The following NCS1 variants were observed in gnomAD, a reference collection of about 807,000 sequenced individuals.
NCS1 encodes the protein neuronal calcium sensor 1, also known as frequenin homolog.
NCS1 carries 6 observed loss-of-function variants against 28.4 expected under a neutral mutation model. That is an observed-to-expected ratio of 0.21 (90% CI 0.12 to 0.42). The LOEUF (loss-of-function observed/expected upper bound fraction) is 0.42, where lower values mean the gene tolerates loss of function less well. Among genes scored for constraint, NCS1 ranks in the 10% least tolerant of loss-of-function variants. NCS1 has a pLI of 1.00. For missense variants in NCS1, 131 were observed against 241.4 expected (o/e 0.54, Z 3.03); for synonymous variants, 86 against 99.3 (o/e 0.87, Z 0.79).
chr9:130,188,873 T>C (rs1346642934), intron 1 of NCS1, among the ~76,000 whole-genome samples: 1 of 152,078 alleles, frequency 6.6e-6, no homozygotes, highest in Non-Finnish European at 1.5e-5. Context: ...CCTGCCACCA[T>C]GCCTAGCTTA....
chr9:130,196,026 C>T (rs1342043), intron 1 of NCS1, among the ~76,000 whole-genome samples: 110,024 of 151,980 alleles, frequency 0.72, 43,112 homozygotes, highest in East Asian at 0.95. Flanking sequence ...GAAAATGGGC[C>T]GGGCTGGGAA....
chr9:130,200,176 G>A (rs1419733327), intron 1 of NCS1, among the ~76,000 whole-genome samples: 2 of 152,182 alleles, frequency 1.3e-5, no homozygotes, highest in Non-Finnish European at 2.9e-5. Context: ...GAGCCGTCCC[G>A]CGCTCACACA....
rs1335485266 is a variant in NCS1, at chr9:130,185,794, G to C, written c.64+13067G>C. Among the ~76,000 whole-genome samples, 3 of 152,388 alleles carry C rather than the reference G, an allele frequency of 2.0e-5. No individual in the cohort carries two copies. The East Asian group carries it at 5.8e-4, about 29-fold the overall frequency. On this transcript the variant is annotated intron_variant, in intron 1 of 7. Coordinates refer to ENST00000372398, the MANE Select transcript of NCS1 (RefSeq NM_014286.4). ...TGGCCGGGTTCTTGCCCCTCGGCCA[G>C]TGGCCCCACCACCCCCTGCGCGCCC...
At position 130,172,504 on chromosome 9, in the gene NCS1, C is replaced by T. The variant is rs1252057466; in HGVS notation, c.-160C>T. 1.2e-5 allele frequency: 2 copies of T among 164,444 alleles called. No individual in the cohort carries two copies. Among genetic ancestry groups the T allele is most frequent in the Non-Finnish European group, 2.4e-5 (2 of 83,378 alleles). The allele number at this position is 164,444 out of a possible 1,614,324, so 10.2% of individuals were successfully genotyped here. The stretch of plus-strand genomic sequence containing the variant: ...GGACCGCCCGGGCCTGCCCAGCGGC[C>T]GCCCCACGCCCCGGGCGCCCCGGCG... On this transcript the variant is annotated 5_prime_UTR_variant, in exon 1 of 8. Transcript: ENST00000372398.
At chr9:130,203,137 T>TATATATATATATATA (rs1491343446) in intron 2 of NCS1, among the ~76,000 whole-genome samples, 1 of 32,550 alleles carries the variant, frequency 3.1e-5, no homozygotes, top group African/African-American at 1.0e-4. Flanking sequence ...TATATATATA[T>TATATATATATATATA]TTTTTTTTTT....
At chr9:130,178,803 A>AT (rs1832611838) in intron 1 of NCS1, among the ~76,000 whole-genome samples, 1 of 133,052 alleles carries the variant, frequency 7.5e-6, no homozygotes, top group African/African-American at 2.8e-5. Context: ...TTCCAGATAT[A>AT]TTTAGGAGGA....
chr9:130,176,198 T>TTTCTTTCTTTCTTTCTTTCTTTC (rs1588106005), intron 1 of NCS1, among the ~76,000 whole-genome samples: 5 of 57,248 alleles, frequency 8.7e-5, no homozygotes, highest in East Asian at 4.6e-4. Flanking sequence ...TTCTTTCTTT[T>TTTCTTTCTTTCTTTCTTTCTTTC]TTTTTTTTTT....
chr9:130,189,911 C>G (rs1388655070), intron 1 of NCS1, among the ~76,000 whole-genome samples: 1 of 118,614 alleles, frequency 8.4e-6, no homozygotes, highest in African/African-American at 3.7e-5. Context: ...TATATATATT[C>G]CCAAGGTCTC....
At chr9:130,193,041 G>A (rs1396696908) in intron 1 of NCS1, among the ~76,000 whole-genome samples, 1 of 152,234 alleles carries the variant, frequency 6.6e-6, no homozygotes, top group Non-Finnish European at 1.5e-5. Context: ...CACCGTCTTC[G>A]CTTTGAGGAA....
chr9:130,195,545 T>C (rs1832866376), intron 1 of NCS1, among the ~76,000 whole-genome samples: 1 of 152,008 alleles, frequency 6.6e-6, no homozygotes, highest in South Asian at 2.1e-4. Context: ...TGCTTCAGCC[T>C]CCGTGGTAGC....
rs1468014438 is a variant in NCS1 at position 130,191,690 on chromosome 9, C to T, written c.65-9268C>T. On this transcript the variant is annotated intron_variant, in intron 1 of 7. Coordinates refer to ENST00000372398, the MANE Select transcript of NCS1 (RefSeq NM_014286.4). The surrounding 1 kb of genome is among the most constrained non-coding windows in gnomAD (Gnocchi z 6.4). ...AATGAGGGTTCAGGCTGGTGCCGGG[C>T]AGACCGCAGTCAGCACCCGATGGCG... is the stretch of plus-strand genomic sequence containing the variant. 2.0e-5 allele frequency among the ~76,000 whole-genome samples: 3 copies of T among 152,254 alleles called. No individual in the cohort carries two copies. The highest frequency in any genetic ancestry group is 7.2e-5 in the African/African-American group (3 of 41,468).
intron 1 of NCS1, among the ~76,000 whole-genome samples, chr9:130,179,819 A>G (rs1363958867): frequency 6.6e-6 from 1 of 152,206 alleles, no homozygotes; most frequent in Non-Finnish European, 1.5e-5. Flanking sequence ...GGGGCCAAGT[A>G]GTTCAATGCC....
At chr9:130,172,815 C>A in intron 1 of NCS1, 88 bp downstream of exon 1, 4 of 666,738 alleles carry the variant, frequency 6.0e-6, no homozygotes, top group Non-Finnish European at 8.5e-6. Flanking sequence ...GCGCGCTACC[C>A]GCTCCGCGCT....
At position 130,181,489 on chromosome 9, in the gene NCS1, T is replaced by G. The variant is rs1166457114; in HGVS notation, c.64+8762T>G. ...GTGTTCACGTGTGTTCCTCACCAAT[T>G]CCACCCAGGAGCCCTGTGGGGGTCC... is the stretch of plus-strand genomic sequence containing the variant. On this transcript the variant is annotated intron_variant, in intron 1 of 7. Transcript: ENST00000372398. This position sits in a 1 kb window ranked among gnomAD's most constrained non-coding sequence, Gnocchi z 5.0. Among the ~76,000 whole-genome samples, 3 of 143,864 alleles carry G rather than the reference T, an allele frequency of 2.1e-5. No homozygotes were observed. The highest frequency in any genetic ancestry group is 1.4e-4 in the Admixed American group (2 of 14,034). 94.4% of individuals were successfully genotyped at this position (143,864 alleles called of 152,430 possible). A position where few individuals can be genotyped will look rare whatever the true frequency, so the allele number is the denominator to read the frequency against.
chr9:130,223,429 C>A (rs35841386), intron 6 of NCS1, among the ~76,000 whole-genome samples: 1 of 151,832 alleles, frequency 6.6e-6, no homozygotes, highest in South Asian at 2.1e-4. Context: ...TCTGGAGAAG[C>A]CTACAGACTT....
At chr9:130,227,307 A>G (rs1191321980) in intron 7 of NCS1, among the ~76,000 whole-genome samples, 4 of 152,002 alleles carry the variant, frequency 2.6e-5, no homozygotes, top group Non-Finnish European at 4.4e-5. Context: ...GGAGTGTTCA[A>G]TGTAGTCTGC....
chr9:130,172,929 C>G (rs1443631541), intron 1 of NCS1, among the ~76,000 whole-genome samples: 2 of 151,862 alleles, frequency 1.3e-5, no homozygotes, highest in Non-Finnish European at 1.5e-5. Context: ...TCTGGCACCC[C>G]CAGCCCGGGG....
intron 1 of NCS1, among the ~76,000 whole-genome samples, chr9:130,174,027 T>C (rs1242161199): frequency 3.3e-5 from 5 of 152,210 alleles, no homozygotes; most frequent in Non-Finnish European, 7.3e-5. Context: ...AGCTGCTACC[T>C]GGAAGGGGTG....
At chr9:130,187,383 C>T (rs1045541557) in intron 1 of NCS1, among the ~76,000 whole-genome samples, 5 of 152,070 alleles carry the variant, frequency 3.3e-5, no homozygotes, top group Admixed American at 2.0e-4. Flanking sequence ...AGGTCAGGGC[C>T]GAGCCTCCAC....
Sources: allele counts gnomAD v4.1 joint callset (sites outside exome capture counted in the v4.1 genomes callset), GRCh38; gene constraint gnomAD v4.1.1; non-coding constraint Gnocchi (gnomAD v3.1); transcripts MANE v1.5; gene names NCBI Gene and HGNC (gene_info 2026-07-23, HGNC 2026-07-21).